EDIL3: variants seen among roughly 807,000 people sequenced by gnomAD.
EDIL3 encodes EGF-like repeat and discoidin I-like domain-containing protein 3.
EDIL3 carries 37 observed loss-of-function variants against 67.4 expected under a neutral mutation model. That is an observed-to-expected ratio of 0.55 (90% CI 0.42 to 0.72). The LOEUF is 0.72. EDIL3 is among the 30% of genes least tolerant of loss of function. The pLI is 0.00. For synonymous variants in EDIL3, 195 were observed against 196.3 expected, an observed-to-expected ratio of 0.99 and a Z score of 0.05; for missense variants, 527 against 586.3, an observed-to-expected ratio of 0.90 and a Z score of 1.04.
chr5:84,112,907 T>C (rs919177963), intron 5 of EDIL3, among the ~76,000 whole-genome samples: 2 of 152,208 alleles, frequency 1.3e-5, no homozygotes, highest in Non-Finnish European at 2.9e-5. Flanking sequence ...GGTACCATTT[T>C]ATTTGTATAC....
At chr5:84,354,708 C>T (rs1050210671) in intron 1 of EDIL3, among the ~76,000 whole-genome samples, 1 of 151,170 alleles carries the variant, frequency 6.6e-6, no homozygotes, top group Non-Finnish European at 1.5e-5. Flanking sequence ...TTTTTTGTAG[C>T]TTACACATGT....
chr5:84,097,657 T>C (rs1451675409), intron 6 of EDIL3, among the ~76,000 whole-genome samples: 1 of 152,134 alleles, frequency 6.6e-6, no homozygotes, highest in Non-Finnish European at 1.5e-5. Flanking sequence ...TACACATTCA[T>C]GAGTAAATGT....
intron 1 of EDIL3, among the ~76,000 whole-genome samples, chr5:84,373,542 T>G (rs2112215431): frequency 6.6e-6 from 1 of 152,292 alleles, no homozygotes; most frequent in South Asian, 2.1e-4. Flanking sequence ...ACTCATTTTC[T>G]TAGTGCCAGA....
At chr5:84,074,882 A>C (rs1189049428) in intron 6 of EDIL3, among the ~76,000 whole-genome samples, 3 of 152,210 alleles carry the variant, frequency 2.0e-5, no homozygotes, top group Non-Finnish European at 4.4e-5. Flanking sequence ...TCATGCTGCT[A>C]TAAAGACACA....
intron 2 of EDIL3, among the ~76,000 whole-genome samples, chr5:84,241,518 G>A (rs1333476881): frequency 2.6e-5 from 4 of 152,070 alleles, no homozygotes; most frequent in Admixed American, 6.6e-5. Flanking sequence ...AATTATGCAA[G>A]CCTTACCTAC....
chr5:84,026,224 C>T (rs1422770211), intron 9 of EDIL3, among the ~76,000 whole-genome samples: 3 of 152,110 alleles, frequency 2.0e-5, no homozygotes, highest in South Asian at 4.1e-4. Flanking sequence ...TGTAGGACAC[C>T]ACTGTTGGAG....
chr5:84,145,977 G>A (rs1449781496), intron 4 of EDIL3, among the ~76,000 whole-genome samples: 1 of 152,000 alleles, frequency 6.6e-6, no homozygotes, highest in African/African-American at 2.4e-5. Flanking sequence ...ACTACCTACA[G>A]TGGAAAATCA....
chr5:84,218,148 T>C (rs916685401), intron 3 of EDIL3, among the ~76,000 whole-genome samples: 6 of 152,282 alleles, frequency 3.9e-5, no homozygotes, highest in African/African-American at 1.4e-4. Context: ...GTCACTTTTT[T>C]TCCCCCAAGC....
chr5:84,160,819 C>CCTTTCCTTTCCTTTCCTTTCCTTTCCTTT (rs1258829510), intron 4 of EDIL3, among the ~76,000 whole-genome samples: 1 of 69,128 alleles, frequency 1.4e-5, no homozygotes, highest in African/African-American at 6.3e-5. Context: ...CCTTTCCTTT[C>CCTTTCCTTTCCTTTCCTTTCCTTTCCTTT]CCTTTCCTTT....
chr5:84,197,769 G>A (rs749662935), intron 3 of EDIL3, among the ~76,000 whole-genome samples: 3 of 151,984 alleles, frequency 2.0e-5, no homozygotes, highest in Non-Finnish European at 2.9e-5. Flanking sequence ...AGTGGCAGGC[G>A]AGAAAGCCAG....
rs574256560 is a variant in EDIL3 at position 84,120,744 on chromosome 5, T to C, written c.470-13914A>G. Among the ~76,000 whole-genome samples the C allele has an allele frequency of 1.3e-3, 193 of 152,104 alleles. 1 individual carries two copies. Among genetic ancestry groups the C allele is most frequent in the Non-Finnish European group, 2.2e-3 (146 of 67,872 alleles). Reference sequence around the variant, plus strand: ...AGAAAACAAAGATAGTTTAATCACATGAAACCAAAGGAAAATGTCTTTATA... The same window carrying C: ...AGAAAACAAAGATAGTTTAATCACACGAAACCAAAGGAAAATGTCTTTATA... On this transcript the variant is annotated intron_variant, in intron 5 of 10. Coordinates refer to ENST00000296591, the MANE Select transcript of EDIL3 (RefSeq NM_005711.5).
In EDIL3 at chr5:84,245,588, T is replaced by C. The variant is rs192967379; in HGVS notation, c.196+8496A>G. Among the ~76,000 whole-genome samples, 4 of 152,282 alleles carry C rather than the reference T, an allele frequency of 2.6e-5. No individual in the cohort carries two copies. The East Asian group carries it at 7.7e-4, about 29-fold the overall frequency. On this transcript the variant is annotated intron_variant, in intron 2 of 10. Coordinates refer to ENST00000296591, the MANE Select transcript of EDIL3 (RefSeq NM_005711.5). ...GAAATAGATTCATGTTGAAAATCAA[T>C]GAAGAAGATGAAATCAAGTAACAGA...
chr5:84,213,389 T>C (rs569339278), intron 3 of EDIL3, among the ~76,000 whole-genome samples: 5 of 152,318 alleles, frequency 3.3e-5, no homozygotes, highest in Non-Finnish European at 7.3e-5. Context: ...ACTTAAACAC[T>C]AAATTATGAA....
chr5:84,363,235 G>C (rs1398528970), intron 1 of EDIL3, among the ~76,000 whole-genome samples: 5 of 151,918 alleles, frequency 3.3e-5, no homozygotes, highest in Non-Finnish European at 7.4e-5. Context: ...GAGGCAGGTC[G>C]ATCAGGAGGT....
At chr5:84,222,580 A>G (rs1003149410) in intron 3 of EDIL3, among the ~76,000 whole-genome samples, 19 of 151,892 alleles carry the variant, frequency 1.3e-4, no homozygotes, top group Admixed American at 1.2e-3. Flanking sequence ...ATTTAAGTAA[A>G]TTACAATAAT....
intron 3 of EDIL3, among the ~76,000 whole-genome samples, chr5:84,215,685 A>C (rs1360648239): frequency 6.6e-6 from 1 of 152,216 alleles, no homozygotes; most frequent in East Asian, 1.9e-4. Context: ...ATGTGAAGAC[A>C]TGAAGGATGT....
At chr5:83,962,696 G>T (rs1744625773) in intron 10 of EDIL3, among the ~76,000 whole-genome samples, 1 of 151,452 alleles carries the variant, frequency 6.6e-6, no homozygotes. Context: ...TTTTGTTGTT[G>T]AGCTGTGTAA....
intron 1 of EDIL3, among the ~76,000 whole-genome samples, chr5:84,339,463 G>C (rs1747054314): frequency 6.6e-6 from 1 of 151,938 alleles, no homozygotes; most frequent in Non-Finnish European, 1.5e-5. Flanking sequence ...TTTATATTTA[G>C]TTTCTCCCTC....
intron 1 of EDIL3, among the ~76,000 whole-genome samples, chr5:84,292,072 T>A (rs557282533): frequency 5.1e-4 from 77 of 152,090 alleles, no homozygotes; most frequent in Admixed American, 1.4e-3. Context: ...AAAGTTAAAT[T>A]TTATTTAACT....
Sources: allele counts gnomAD v4.1 joint callset (sites outside exome capture counted in the v4.1 genomes callset), GRCh38; gene constraint gnomAD v4.1.1; transcripts MANE v1.5; gene names NCBI Gene and HGNC (gene_info 2026-07-23, HGNC 2026-07-21).